FAM227B: variants seen among roughly 807,000 people sequenced by gnomAD.
The protein encoded by FAM227B is family with sequence similarity 227 member B.
In FAM227B, 88 loss-of-function variants were observed where a neutral mutation model predicts 73.8. That is an observed-to-expected ratio of 1.19 (90% CI 1.00 to 1.42). The LOEUF is 1.42. Among genes scored for constraint, FAM227B ranks in the 40% most tolerant of loss-of-function variants. The pLI is 0.00. For synonymous variants in FAM227B, 210 were observed against 190.5 expected (o/e 1.10, Z -0.84); for missense variants, 632 against 590.9 (o/e 1.07, Z -0.72).
At chr15:49,573,342 T>C (rs568672148) in intron 8 of FAM227B, among the ~76,000 whole-genome samples, 3 of 152,304 alleles carry the variant, frequency 2.0e-5, no homozygotes, top group East Asian at 3.9e-4. Flanking sequence ...GCTCAGAATG[T>C]AGTTAATCTT....
At chr15:49,490,029 G>T (rs938511753) in intron 11 of FAM227B, among the ~76,000 whole-genome samples, 1 of 149,738 alleles carries the variant, frequency 6.7e-6, no homozygotes, top group African/African-American at 2.4e-5. Context: ...TTCCCCAGAA[G>T]ATTCTAATGT....
intron 7 of FAM227B, chr15:49,576,137 T>A (rs1447410408): frequency 2.0e-5 from 3 of 152,260 alleles, no homozygotes; most frequent in African/African-American, 7.2e-5. Context: ...AGCTTCAACT[T>A]GGATTTAATA....
intron 1 of FAM227B, among the ~76,000 whole-genome samples, chr15:49,617,761 T>A (rs1192240430): frequency 6.7e-6 from 1 of 149,530 alleles, no homozygotes; most frequent in Non-Finnish European, 1.5e-5. Context: ...TGCAGGGCTA[T>A]GCTCCTTTCA....
intron 9 of FAM227B, among the ~76,000 whole-genome samples, chr15:49,546,027 A>G (rs933016288): frequency 2.0e-5 from 3 of 151,350 alleles, no homozygotes; most frequent in Non-Finnish European, 4.4e-5. Flanking sequence ...TTACATATGT[A>G]TACATGTGCC....
intron 11 of FAM227B, chr15:49,422,434 T>C: frequency 1.3e-6 from 1 of 755,520 alleles, no homozygotes; most frequent in South Asian, 4.7e-5. Context: ...TGTTCCAATA[T>C]TCTTATTGAG....
At chr15:49,353,613 G>GTT (rs2042577483) in intron 13 of FAM227B, 3 of 127,648 alleles carry the variant, frequency 2.4e-5, no homozygotes, top group Non-Finnish European at 5.0e-5. Context: ...GGAAAATAAG[G>GTT]GTTTTTTTTT....
At chr15:49,507,370 T>C (rs950375552) in intron 11 of FAM227B, among the ~76,000 whole-genome samples, 1 of 152,112 alleles carries the variant, frequency 6.6e-6, no homozygotes, top group Non-Finnish European at 1.5e-5. Flanking sequence ...CCTTGGCCTA[T>C]ATCAAGGTAT....
At chr15:49,549,594 C>A (rs1045192560) in intron 9 of FAM227B, among the ~76,000 whole-genome samples, 2 of 151,770 alleles carry the variant, frequency 1.3e-5, no homozygotes, top group Admixed American at 6.6e-5. Flanking sequence ...GCCCTTAATC[C>A]ATTTAACCCT....
At chr15:49,580,076 C>A (rs1409397668) in intron 5 of FAM227B, among the ~76,000 whole-genome samples, 1 of 151,982 alleles carries the variant, frequency 6.6e-6, no homozygotes, top group Non-Finnish European at 1.5e-5. Flanking sequence ...GAAAACGAGA[C>A]CACAAAAATA....
rs569926304 is a variant in FAM227B, at chr15:49,360,094, TG to T, written c.1271+7353del. Among the ~76,000 whole-genome samples, 564 of 63,318 alleles carry T rather than the reference TG, an allele frequency of 8.9e-3. 6 individuals carry two copies. The highest frequency in any genetic ancestry group is 0.035 in the African/African-American group (544 of 15,648). 41.5% of individuals were successfully genotyped at this position (63,318 alleles called of 152,430 possible). A position where few individuals can be genotyped will look rare whatever the true frequency, so the allele number is the denominator to read the frequency against. On this transcript the variant is annotated intron_variant, in intron 13 of 15. Transcript: ENST00000299338. ...TCACACTCTGGGGACTGTTGTGGGGTGGGGGGAGGGGGGAGGGATAGCATCA... is the reference window on the plus strand; with the variant it reads ...TCACACTCTGGGGACTGTTGTGGGGTGGGGGAGGGGGGAGGGATAGCATCA...
chr15:49,538,011 T>C (rs2070513752), intron 10 of FAM227B, among the ~76,000 whole-genome samples: 1 of 152,064 alleles, frequency 6.6e-6, no homozygotes, highest in Non-Finnish European at 1.5e-5. Flanking sequence ...TGTACAACAT[T>C]AATGTACTAG....
intron 13 of FAM227B, among the ~76,000 whole-genome samples, chr15:49,351,509 G>T (rs1279530137): frequency 2.0e-5 from 3 of 152,170 alleles, no homozygotes; most frequent in Non-Finnish European, 2.9e-5. Flanking sequence ...GACTATTGGA[G>T]ATCTACAAGA....
chr15:49,396,305 G>A lies in FAM227B; in HGVS notation c.1013-24906C>T, dbSNP rs112497826. 4.2e-3 allele frequency: 1,702 copies of A among 401,062 alleles called. 23 individuals are homozygous for A. The highest frequency in any genetic ancestry group is 0.035 in the African/African-American group (1,603 of 46,398). The allele number at this position is 401,062 out of a possible 1,614,324, so 24.8% of individuals were successfully genotyped here. On this transcript the variant is annotated intron_variant, in intron 11 of 15. Transcript: ENST00000299338. ...TTTTCTGACGGGCTTAAAAAGCGGC[G>A]CACCACGAGATTATATCCCACACCT...
chr15:49,347,114 C>T (rs1246681543), intron 13 of FAM227B, among the ~76,000 whole-genome samples: 1 of 152,118 alleles, frequency 6.6e-6, no homozygotes. Flanking sequence ...CTATTTAATA[C>T]ATCATTATCA....
At position 49,615,116 on chromosome 15, in the gene FAM227B, C is replaced by A. The variant is rs774870940; in HGVS notation, c.51+5G>T. The A allele has an allele frequency of 3.1e-6, 5 of 1,613,436 alleles. No homozygotes were observed. The African/African-American group carries it at 5.3e-5, about 17-fold the overall frequency. Reference sequence around the variant, plus strand: ...GTGAACATAAAGCTGTGGAAGCTTCCTTACCCCGGGGCCAGCTCTGCTGCT... The same window carrying A: ...GTGAACATAAAGCTGTGGAAGCTTCATTACCCCGGGGCCAGCTCTGCTGCT... On this transcript the variant is annotated splice_donor_5th_base_variant and intron_variant, in intron 2 of 15. Coordinates refer to ENST00000299338, the MANE Select transcript of FAM227B (RefSeq NM_152647.3).
chr15:49,375,234 C>T (rs1047166444), intron 11 of FAM227B, among the ~76,000 whole-genome samples: 1 of 152,104 alleles, frequency 6.6e-6, no homozygotes, highest in Non-Finnish European at 1.5e-5. Context: ...TTATGTAGAT[C>T]GCTAGCATCG....
chr15:49,422,631 TG>T, intron 11 of FAM227B: 1 of 1,101,100 alleles, frequency 9.1e-7, no homozygotes, highest in Middle Eastern at 2.0e-4. Flanking sequence ...GCTGAGACTC[TG>T]GAACAGCAGG....
intron 8 of FAM227B, among the ~76,000 whole-genome samples, chr15:49,571,246 G>T (rs926157404): frequency 1.6e-4 from 25 of 151,614 alleles, no homozygotes; most frequent in Non-Finnish European, 3.7e-4. Flanking sequence ...ATATATTTTG[G>T]ACATTAACCC....
chr15:49,339,253 C>T (rs1327230752), intron 13 of FAM227B, among the ~76,000 whole-genome samples: 1 of 152,154 alleles, frequency 6.6e-6, no homozygotes, highest in African/African-American at 2.4e-5. Context: ...CTGGTTTCTC[C>T]CCATCTTCAT....
Sources: gnomAD v4.1 joint callset for allele counts (sites outside exome capture counted in the v4.1 genomes callset) on GRCh38, gnomAD v4.1.1 for gene constraint, MANE v1.5 for transcripts, NCBI Gene and HGNC (gene_info 2026-07-23, HGNC 2026-07-21) for gene names.